MTUS2: variants seen among roughly 807,000 people sequenced by gnomAD.
MTUS2 encodes microtubule-associated tumor suppressor candidate 2.
In MTUS2, 40 loss-of-function variants were observed where a neutral mutation model predicts 114.1. That is an observed-to-expected ratio of 0.35 (90% CI 0.27 to 0.46). MTUS2 has a LOEUF of 0.46. Ranked by LOEUF, MTUS2 falls within the 20% of genes least tolerant of loss-of-function variation. The probability of loss-of-function intolerance (pLI) is 1.00; values close to 1 mark genes in which losing one functional copy is unlikely to be tolerated. For synonymous variants in MTUS2, 688 were observed against 672.0 expected (o/e 1.02, Z -0.37); for missense variants, 1,679 against 1,705.4 (o/e 0.98, Z 0.27).
chr13:28,961,482 A>T (rs1158453950), intron 2 of MTUS2, among the ~76,000 whole-genome samples: 1 of 152,188 alleles, frequency 6.6e-6, no homozygotes, highest in Admixed American at 6.5e-5. Context: ...ACCTAGACAC[A>T]TTCTATTGTA....
At chr13:29,345,095 TCC>T in intron 7 of MTUS2, among the ~76,000 whole-genome samples, 1 of 152,192 alleles carries the variant, frequency 6.6e-6, no homozygotes, top group African/African-American at 2.4e-5. Flanking sequence ...TAAGATTCTT[TCC>T]TTTGTCTTCA....
intron 5 of MTUS2, among the ~76,000 whole-genome samples, chr13:29,207,950 T>G (rs368842122): frequency 7.2e-5 from 11 of 152,190 alleles, no homozygotes; most frequent in Non-Finnish European, 1.6e-4. Flanking sequence ...TAGAATGATT[T>G]AGGGAGGATT....
chr13:28,948,622 A>G (rs907369016), intron 2 of MTUS2, among the ~76,000 whole-genome samples: 3 of 152,198 alleles, frequency 2.0e-5, no homozygotes, highest in African/African-American at 7.2e-5. Flanking sequence ...CATAAAATAG[A>G]TGCTTGCAAT....
chr13:28,882,377 T>C (rs1279786619), intron 2 of MTUS2, among the ~76,000 whole-genome samples: 1 of 152,182 alleles, frequency 6.6e-6, no homozygotes. Context: ...ATCATAGACC[T>C]AAATGTAAGA....
intron 8 of MTUS2, among the ~76,000 whole-genome samples, chr13:29,367,443 G>C (rs9579359): frequency 0.22 from 33,023 of 152,098 alleles, 3,631 homozygotes; most frequent in Middle Eastern, 0.25. Flanking sequence ...AGGAGGCACT[G>C]GTGGAGGCAG....
At chr13:28,841,629 G>A (rs1478936696) in intron 2 of MTUS2, among the ~76,000 whole-genome samples, 1 of 152,000 alleles carries the variant, frequency 6.6e-6, no homozygotes, top group Non-Finnish European at 1.5e-5. Flanking sequence ...TATTCAAGGG[G>A]CCTCCTCTTT....
intron 4 of MTUS2, among the ~76,000 whole-genome samples, chr13:29,050,878 GT>G (rs1887862779): frequency 6.6e-6 from 1 of 152,190 alleles, no homozygotes; most frequent in Non-Finnish European, 1.5e-5. Context: ...AGTGAGCCTG[GT>G]GTGGTCAGAG....
chr13:29,051,444 A>G (rs941354041), intron 4 of MTUS2, among the ~76,000 whole-genome samples: 3 of 152,172 alleles, frequency 2.0e-5, no homozygotes, highest in African/African-American at 7.2e-5. Context: ...ATTATGAGTC[A>G]GGGGTTCTTG....
intron 2 of MTUS2, among the ~76,000 whole-genome samples, chr13:29,001,981 G>T (rs990516601): frequency 5.3e-5 from 8 of 152,192 alleles, no homozygotes; most frequent in Admixed American, 5.2e-4. Context: ...GATGGAAGAG[G>T]TATGGAAATG....
intron 2 of MTUS2, among the ~76,000 whole-genome samples, chr13:28,932,626 C>T (rs895300029): frequency 6.6e-6 from 1 of 152,152 alleles, no homozygotes; most frequent in African/African-American, 2.4e-5. Context: ...CAGACCTGAA[C>T]CCACCTCAAC....
intron 13 of MTUS2, 86 bp from the exon 14 acceptor site, chr13:29,498,332 T>C: frequency 6.4e-7 from 1 of 1,574,114 alleles, no homozygotes; most frequent in East Asian, 2.3e-5. Flanking sequence ...CCCAGGAGGA[T>C]AGATTTAGCT....
At chr13:29,010,905 C>T (rs952180407) in intron 2 of MTUS2, among the ~76,000 whole-genome samples, 2 of 152,088 alleles carry the variant, frequency 1.3e-5, no homozygotes, top group Admixed American at 6.5e-5. Flanking sequence ...CTGCTGCAGT[C>T]CTGGAGAGCT....
chr13:29,256,265 GC>G (rs1340935202), intron 5 of MTUS2, among the ~76,000 whole-genome samples: 1 of 152,260 alleles, frequency 6.6e-6, no homozygotes, highest in Non-Finnish European at 1.5e-5. Flanking sequence ...CCCAGTGTGG[GC>G]TGTCTGTGTC....
At chr13:29,270,448 A>T (rs1432774462) in intron 5 of MTUS2, among the ~76,000 whole-genome samples, 3 of 152,152 alleles carry the variant, frequency 2.0e-5, no homozygotes, top group Admixed American at 2.0e-4. Context: ...AGTCAGAGCC[A>T]AGCACAGTTT....
chr13:29,033,443 C>T (rs1392145531), intron 3 of MTUS2, among the ~76,000 whole-genome samples: 1 of 152,122 alleles, frequency 6.6e-6, no homozygotes. Flanking sequence ...TATAAATGGA[C>T]ACAGTTTACC....
At chr13:29,379,421 G>A (rs1872027145) in intron 8 of MTUS2, among the ~76,000 whole-genome samples, 1 of 152,152 alleles carries the variant, frequency 6.6e-6, no homozygotes, top group Admixed American at 6.6e-5. Context: ...AGAACAAGAT[G>A]GGACAGGGGA....
intron 2 of MTUS2, among the ~76,000 whole-genome samples, chr13:28,937,251 G>T (rs756690376): frequency 9.2e-5 from 14 of 151,960 alleles, no homozygotes; most frequent in Non-Finnish European, 1.8e-4. Context: ...GTAGCTAGAG[G>T]TTTGTAAAAT....
intron 4 of MTUS2, among the ~76,000 whole-genome samples, chr13:29,042,481 A>G (rs938611519): frequency 1.3e-5 from 2 of 152,012 alleles, no homozygotes; most frequent in Non-Finnish European, 2.9e-5. Flanking sequence ...CTGGCTTCAT[A>G]GAATGATTTA....
intron 2 of MTUS2, among the ~76,000 whole-genome samples, chr13:28,883,672 G>A (rs914544206): frequency 1.3e-5 from 2 of 152,156 alleles, no homozygotes; most frequent in Admixed American, 6.6e-5. Context: ...TAAAGGGGTA[G>A]CAGGAGGAGG....
Sources: gnomAD v4.1 joint callset for allele counts (sites outside exome capture counted in the v4.1 genomes callset) on GRCh38, gnomAD v4.1.1 for gene constraint, MANE v1.5 for transcripts, NCBI Gene and HGNC (gene_info 2026-07-23, HGNC 2026-07-21) for gene names.